Variants in PTPRR observed in about 807,000 individuals in gnomAD.
PTPRR encodes the protein protein tyrosine phosphatase receptor type R.
Under a neutral mutation model 77.2 loss-of-function variants are expected in PTPRR, and 38 were observed. That is an observed-to-expected ratio of 0.49 (90% CI 0.38 to 0.65). The LOEUF is 0.65. Ranked by LOEUF, PTPRR falls within the 30% of genes least tolerant of loss-of-function variation. The probability of loss-of-function intolerance (pLI) is 0.00; values close to 1 mark genes in which losing one functional copy is unlikely to be tolerated. For synonymous variants in PTPRR, 299 were observed against 283.1 expected, an observed-to-expected ratio of 1.06 and a Z score of -0.57; for missense variants, 744 against 799.2, an observed-to-expected ratio of 0.93 and a Z score of 0.83.
At chr12:70,719,349 G>A (rs1344731805) in intron 6 of PTPRR, among the ~76,000 whole-genome samples, 1 of 152,024 alleles carries the variant, frequency 6.6e-6, no homozygotes, top group Non-Finnish European at 1.5e-5. Context: ...GTTCACGAAT[G>A]CAAACTTCAC....
intron 2 of PTPRR, among the ~76,000 whole-genome samples, chr12:70,807,679 G>A (rs1218850498): frequency 4.6e-5 from 7 of 152,166 alleles, no homozygotes; most frequent in African/African-American, 1.2e-4. Context: ...AATTTCTTAC[G>A]CCTGTCTTTA....
intron 6 of PTPRR, among the ~76,000 whole-genome samples, chr12:70,716,495 T>C (rs557157847): frequency 6.6e-6 from 1 of 152,322 alleles, no homozygotes; most frequent in South Asian, 2.1e-4. Flanking sequence ...ATATATGTTT[T>C]ACACCCTAAT....
At chr12:70,817,229 TAA>T (rs1891919620) in intron 2 of PTPRR, among the ~76,000 whole-genome samples, 1 of 152,190 alleles carries the variant, frequency 6.6e-6, no homozygotes, top group South Asian at 2.1e-4. Flanking sequence ...TTAAAAGTTT[TAA>T]AAGTTACTTA....
At chr12:70,894,744 T>C (rs1893397552) in intron 1 of PTPRR, among the ~76,000 whole-genome samples, 1 of 151,732 alleles carries the variant, frequency 6.6e-6, no homozygotes, top group Admixed American at 6.6e-5. Flanking sequence ...TTATACTACA[T>C]ATGTTCTTAA....
chr12:70,737,487 T>TATCTATCC (rs1565674608), intron 6 of PTPRR, among the ~76,000 whole-genome samples: 2 of 22,026 alleles, frequency 9.1e-5, no homozygotes, highest in Non-Finnish European at 1.9e-4. Context: ...ATTTAATGAA[T>TATCTATCC]ATCTATCTAT....
chr12:70,724,482 AAC>A (rs1369848323), intron 6 of PTPRR, among the ~76,000 whole-genome samples: 2 of 152,198 alleles, frequency 1.3e-5, no homozygotes, highest in African/African-American at 2.4e-5. Context: ...TAATAAATGC[AAC>A]AGTGTAACTC....
intron 4 of PTPRR, among the ~76,000 whole-genome samples, chr12:70,759,679 TAAAA>T (rs34011060): frequency 2.3e-4 from 8 of 34,424 alleles, no homozygotes; most frequent in Non-Finnish European, 3.9e-4. Context: ...GACTCCGTCT[TAAAA>T]AAAAAAAAAA....
At chr12:70,847,313 C>T (rs1297523970) in intron 2 of PTPRR, among the ~76,000 whole-genome samples, 2 of 152,088 alleles carry the variant, frequency 1.3e-5, no homozygotes, top group Non-Finnish European at 2.9e-5. Flanking sequence ...TATTTATTAT[C>T]GATGCACAAA....
chr12:70,655,341 C>T lies in PTPRR; in HGVS notation c.1880+1363G>A, dbSNP rs1045505584. Among the ~76,000 whole-genome samples the T allele has an allele frequency of 2.6e-5, 4 of 152,258 alleles. No individual in the cohort carries two copies. The East Asian group carries it at 7.7e-4, about 29-fold the overall frequency. ...CTGCAGAAAATACTATGATGGTTTT[C>T]TCAAAAAATTAAAAATAGAATTCCG... On this transcript the variant is annotated intron_variant, in intron 13 of 13. Transcript: ENST00000283228.
intron 2 of PTPRR, among the ~76,000 whole-genome samples, chr12:70,770,754 C>G (rs1055260672): frequency 1.3e-5 from 2 of 152,054 alleles, no homozygotes; most frequent in Non-Finnish European, 2.9e-5. Context: ...TGGAACCACC[C>G]AAATGTCCAA....
At chr12:70,667,912 TTAG>T (rs1379002293) in intron 10 of PTPRR, among the ~76,000 whole-genome samples, 1 of 152,048 alleles carries the variant, frequency 6.6e-6, no homozygotes, top group Admixed American at 6.6e-5. Context: ...CATGAATCCT[TTAG>T]TCTACTCCAC....
chr12:70,695,609 C>T (rs1841156386), intron 8 of PTPRR, among the ~76,000 whole-genome samples: 2 of 152,126 alleles, frequency 1.3e-5, no homozygotes, highest in Non-Finnish European at 2.9e-5. Context: ...ATGGAGAAGG[C>T]TGAACTTTGA....
chr12:70,833,248 G>T (rs1435369127), intron 2 of PTPRR, among the ~76,000 whole-genome samples: 1 of 152,164 alleles, frequency 6.6e-6, no homozygotes, highest in African/African-American at 2.4e-5. Context: ...CAATATGGTA[G>T]TGAGGGATAA....
At chr12:70,762,371 A>C (rs1273413513) in intron 3 of PTPRR, among the ~76,000 whole-genome samples, 1 of 152,124 alleles carries the variant, frequency 6.6e-6, no homozygotes, top group Non-Finnish European at 1.5e-5. Flanking sequence ...TACACAACAC[A>C]CTAATAGAAG....
chr12:70,798,776 C>T (rs1245051842), intron 2 of PTPRR, among the ~76,000 whole-genome samples: 2 of 135,262 alleles, frequency 1.5e-5, no homozygotes, highest in Non-Finnish European at 1.6e-5. Context: ...TTCTCTATCT[C>T]AGTATCTGGT....
rs141198055 is a variant in PTPRR, at chr12:70,831,828, T to C, written c.357+60851A>G. On this transcript the variant is annotated intron_variant, in intron 2 of 13. Transcript: ENST00000283228. Reference sequence around the variant, plus strand: ...ACTCCTCCTAGATATCTTAAAGCCTTTCTTAAGGTCAGAAAGTCTGCCAAC... The same window carrying C: ...ACTCCTCCTAGATATCTTAAAGCCTCTCTTAAGGTCAGAAAGTCTGCCAAC... Among the ~76,000 whole-genome samples the C allele has an allele frequency of 1.6e-4, 25 of 152,300 alleles. 1 individual carries two copies. Among genetic ancestry groups the C allele is most frequent in the African/African-American group, 6.0e-4 (25 of 41,572 alleles).
chr12:70,765,756 C>T (rs1340735199), intron 2 of PTPRR, among the ~76,000 whole-genome samples: 1 of 152,190 alleles, frequency 6.6e-6, no homozygotes. Context: ...AACTGGGAGG[C>T]ACCCCCCCAG....
intron 2 of PTPRR, among the ~76,000 whole-genome samples, chr12:70,765,188 G>A (rs1205125045): frequency 2.0e-5 from 3 of 152,294 alleles, no homozygotes; most frequent in East Asian, 1.9e-4. Flanking sequence ...CACCGTGCAC[G>A]AGCCGAAGCA....
chr12:70,918,766 A>G (rs1243629567), intron 1 of PTPRR, among the ~76,000 whole-genome samples: 1 of 152,224 alleles, frequency 6.6e-6, no homozygotes, highest in Non-Finnish European at 1.5e-5. Context: ...CTACCTTAGT[A>G]AGAATTGAGA....
Sources: allele counts gnomAD v4.1 joint callset (sites outside exome capture counted in the v4.1 genomes callset), GRCh38; gene constraint gnomAD v4.1.1; transcripts MANE v1.5; gene names NCBI Gene and HGNC (gene_info 2026-07-23, HGNC 2026-07-21).